The following POLR3K variants were observed in gnomAD, a reference collection of about 807,000 sequenced individuals.
POLR3K encodes the protein RNA polymerase III subunit K.
POLR3K carries 11 observed loss-of-function variants against 13.5 expected under a neutral mutation model. The observed-to-expected ratio is 0.81, with a 90% CI of 0.51 to 1.35. POLR3K has a LOEUF of 1.35. Among genes scored for constraint, POLR3K ranks in the 40% most tolerant of loss-of-function variants. POLR3K has a pLI of 0.00. For missense variants in POLR3K, 144 were observed against 145.3 expected, an observed-to-expected ratio of 0.99 and a Z score of 0.05; for synonymous variants, 56 against 51.5, an observed-to-expected ratio of 1.09 and a Z score of -0.38.
rs1388956059 is a variant in POLR3K at position 46,905 on chromosome 16, A to G, written c.*525T>C. The G allele has an allele frequency of 6.6e-6, 1 of 152,148 alleles. No homozygotes were observed. The highest frequency in any genetic ancestry group is 1.5e-5 in the Non-Finnish European group (1 of 68,036). 9.4% of individuals were successfully genotyped at this position (152,148 alleles called of 1,614,324 possible). ...TTTCGTAGCCTGTTCAAATGTAAGT[A>G]TGTAGTCTATTCTGGGATCACTGTG... On this transcript the variant is annotated 3_prime_UTR_variant, in exon 3 of 3. Transcript: ENST00000293860.
intron 2 of POLR3K, among the ~76,000 whole-genome samples, chr16:49,957 G>C (rs797010760): frequency 4.6e-5 from 7 of 151,946 alleles, no homozygotes; most frequent in African/African-American, 1.7e-4. Flanking sequence ...TCACATAGCA[G>C]ATTTGTATGT....
chr16:53,361 G>A, intron 1 of POLR3K, 115 bp downstream of exon 1: 2 of 1,445,802 alleles, frequency 1.4e-6, no homozygotes, highest in Admixed American at 2.9e-5. Flanking sequence ...AGAAAGGGGC[G>A]CGAGAAAGAG....
rs1897315294 is a variant in POLR3K at position 49,696 on chromosome 16, A to G, written c.199+1862T>C. Among the ~76,000 whole-genome samples, 2 of 150,716 alleles carry G rather than the reference A, an allele frequency of 1.3e-5. 1 individual carries two copies. The highest frequency in any genetic ancestry group is 3.0e-5 in the Non-Finnish European group (2 of 67,716). ...CTCCTGTTGCCTGGGCTAGAGTGCAATAGCACGATCTCAGCTCACTACAAC... is the reference window on the plus strand; with the variant it reads ...CTCCTGTTGCCTGGGCTAGAGTGCAGTAGCACGATCTCAGCTCACTACAAC... On this transcript the variant is annotated intron_variant, in intron 2 of 2. Coordinates refer to ENST00000293860, the MANE Select transcript of POLR3K (RefSeq NM_016310.5).
chr16:51,881 G>A (rs1307585952), intron 1 of POLR3K: 3 of 371,030 alleles, frequency 8.1e-6, no homozygotes, highest in South Asian at 2.5e-5. Flanking sequence ...TTAGCCCGGC[G>A]TGTTGGCGGG....
intron 2 of POLR3K, among the ~76,000 whole-genome samples, chr16:48,991 A>T (rs1216384743): frequency 6.6e-6 from 1 of 150,548 alleles, no homozygotes; most frequent in Non-Finnish European, 1.5e-5. Context: ...GTCTCTACCA[A>T]AACTACAAAA....
At chr16:51,515 T>A in intron 2 of POLR3K, 43 bp downstream of exon 2, 1 of 1,522,924 alleles carries the variant, frequency 6.6e-7, no homozygotes, top group Non-Finnish European at 9.1e-7. Flanking sequence ...AACAGCCTCA[T>A]AATTATCCAC....
At position 47,344 on chromosome 16, in the gene POLR3K, C is replaced by G; in HGVS notation, c.*86G>C. On this transcript the variant is annotated 3_prime_UTR_variant, in exon 3 of 3. Coordinates refer to ENST00000293860, the MANE Select transcript of POLR3K (RefSeq NM_016310.5). ...TTTCCACCACACTAGCAAAGACCCT[C>G]AGGACACACAACTCATACTGCCAGC... 6.6e-7 allele frequency: 1 copy of G among 1,512,780 alleles called. No individual in the cohort carries two copies. Among genetic ancestry groups the G allele is most frequent in the Non-Finnish European group, 9.0e-7 (1 of 1,115,110 alleles). 93.7% of individuals were successfully genotyped at this position (1,512,780 alleles called of 1,614,324 possible). A position where few individuals can be genotyped will look rare whatever the true frequency, so the allele number is the denominator to read the frequency against.
chr16:48,846 T>G (rs1332632542), intron 2 of POLR3K, among the ~76,000 whole-genome samples: 1 of 114,300 alleles, frequency 8.7e-6, no homozygotes, highest in Non-Finnish European at 2.0e-5. Flanking sequence ...AGGGCGATTC[T>G]GGTGTGGGCT....
At position 52,446 on chromosome 16, in the gene POLR3K, C is replaced by CAAAAAAAA. The variant is rs767411954; in HGVS notation, c.112-809_112-802dup. Among the ~76,000 whole-genome samples, 18 of 74,186 alleles carry CAAAAAAAA rather than the reference C, an allele frequency of 2.4e-4. 2 individuals are homozygous for CAAAAAAAA. Among genetic ancestry groups the CAAAAAAAA allele is most frequent in the South Asian group, 4.9e-4 (1 of 2,028 alleles). The allele number at this position is 74,186 out of a possible 152,430, so 48.7% of individuals were successfully genotyped here. A position where few individuals can be genotyped will look rare whatever the true frequency, so the allele number is the denominator to read the frequency against. On this transcript the variant is annotated intron_variant, in intron 1 of 2. Transcript: ENST00000293860. ...TGGGAAACAGAGCGAGACTCTGTCTCAAAAAAAAAAAAAAAAAAAAAAAAA... is the reference window on the plus strand; with the variant it reads ...TGGGAAACAGAGCGAGACTCTGTCTCAAAAAAAAAAAAAAAAAAAAAAAAAAAAAAAAA...
At chr16:50,634 T>G (rs1897323280) in intron 2 of POLR3K, among the ~76,000 whole-genome samples, 1 of 151,816 alleles carries the variant, frequency 6.6e-6, no homozygotes, top group African/African-American at 2.4e-5. Flanking sequence ...GCAATTCTCG[T>G]ACCTCAGCCT....
rs1386238928 is a variant in POLR3K at position 46,713 on chromosome 16, G to T, written c.*717C>A. ...CACTCCAGCCTGGGCGACAGAACAAGACTCTGTCTTAAATAAATAAATAAA... is the reference window on the plus strand; with the variant it reads ...CACTCCAGCCTGGGCGACAGAACAATACTCTGTCTTAAATAAATAAATAAA... On this transcript the variant is annotated 3_prime_UTR_variant, in exon 3 of 3. Transcript: ENST00000293860. 6.7e-6 allele frequency: 1 copy of T among 148,150 alleles called. No homozygotes were observed. The highest frequency in any genetic ancestry group is 1.5e-5 in the Non-Finnish European group (1 of 67,726). 9.2% of individuals were successfully genotyped at this position (148,150 alleles called of 1,614,324 possible).
At chr16:53,163 C>G (rs1897358237) in intron 1 of POLR3K, 1 of 325,814 alleles carries the variant, frequency 3.1e-6, no homozygotes, top group Non-Finnish European at 5.5e-6. Context: ...TCTGCGTGAG[C>G]TGGAGAAGAG....
In POLR3K at chr16:47,487, C is replaced by G. The variant is rs149639960; in HGVS notation, c.270G>C (p.Pro90=). Residue 90 remains proline (P), a synonymous_variant, in exon 3 of 3, where the codon CCG becomes CCC. Coordinates refer to ENST00000293860, the MANE Select transcript of POLR3K (RefSeq NM_016310.5). ...TGCAGCACTTGTAGAAGGTGGTCATCGGCTCATCTGCAGAGCGGGTCTGAA... is the reference window on the plus strand; with the variant it reads ...TGCAGCACTTGTAGAAGGTGGTCATGGGCTCATCTGCAGAGCGGGTCTGAA... ...MQLQTRSADE[P]MTTFYKCCNA... The G allele has an allele frequency of 5.0e-6, 8 of 1,613,314 alleles. No homozygotes were observed. The African/African-American group carries it at 9.3e-5, about 19-fold the overall frequency.
At chr16:49,616 C>T (rs541251245) in intron 2 of POLR3K, among the ~76,000 whole-genome samples, 5 of 150,696 alleles carry the variant, frequency 3.3e-5, no homozygotes, top group East Asian at 4.0e-4. Context: ...ACTACAGGCA[C>T]GCGCCACTGA....
rs928911862 is a variant in POLR3K at position 47,422 on chromosome 16, T to C, written c.*8A>G. On this transcript the variant is annotated 3_prime_UTR_variant, in exon 3 of 3. Transcript: ENST00000293860. Reference sequence around the variant, plus strand: ...AGCACACACTAGGGCAGCTGGGCCATCCTGGCCCTAATCCCTCCAGCGGTG... The same window carrying C: ...AGCACACACTAGGGCAGCTGGGCCACCCTGGCCCTAATCCCTCCAGCGGTG... 11 of 1,611,682 alleles carry C rather than the reference T, an allele frequency of 6.8e-6. No homozygotes were observed. The African/African-American group carries it at 1.5e-4, about 22-fold the overall frequency.
intron 2 of POLR3K, 108 bp downstream of exon 2, chr16:51,450 T>G (rs1239022860): frequency 1.2e-6 from 1 of 827,418 alleles, no homozygotes; most frequent in Admixed American, 2.8e-5. Flanking sequence ...ATTTTCTATT[T>G]TTAGAAACCT....
At chr16:48,420 A>C (rs1472987234) in intron 2 of POLR3K, among the ~76,000 whole-genome samples, 1 of 152,228 alleles carries the variant, frequency 6.6e-6, no homozygotes, top group African/African-American at 2.4e-5. Flanking sequence ...GTTTTGGTCC[A>C]TTTTGTGCTG....
chr16:51,241 A>G (rs1024205384), intron 2 of POLR3K, among the ~76,000 whole-genome samples: 2 of 152,230 alleles, frequency 1.3e-5, no homozygotes, highest in Non-Finnish European at 2.9e-5. Context: ...CAAGCACGGT[A>G]TAATTCACTT....
At position 47,698 on chromosome 16, in the gene POLR3K, A is replaced by G. The variant is rs185372537; in HGVS notation, c.200-141T>C. ...GGAGTTCGAGACCATCCTGGCCAAC[A>G]TGGTGAAACCCCATCTCTACTAAAA... is the stretch of plus-strand genomic sequence containing the variant. On this transcript the variant is annotated intron_variant, in intron 2 of 2. Coordinates refer to ENST00000293860, the MANE Select transcript of POLR3K (RefSeq NM_016310.5). 419 of 776,082 alleles carry G rather than the reference A, an allele frequency of 5.4e-4. 5 individuals are homozygous for G. The East Asian group carries it at 0.016, about 29-fold the overall frequency. The allele number at this position is 776,082 out of a possible 1,614,324, so 48.1% of individuals were successfully genotyped here.
Sources: allele counts gnomAD v4.1 joint callset (sites outside exome capture counted in the v4.1 genomes callset), GRCh38; gene constraint gnomAD v4.1.1; transcripts MANE v1.5; gene names NCBI Gene and HGNC (gene_info 2026-07-23, HGNC 2026-07-21).